HPSE2: variants seen among roughly 807,000 people sequenced by gnomAD.
HPSE2 encodes heparanase 2 (inactive), also known as inactive heparanase-2.
HPSE2 carries 38 observed loss-of-function variants against 60.5 expected under a neutral mutation model. The ratio of observed to expected loss-of-function variants is 0.63; its 90% CI spans 0.48 to 0.82. HPSE2 has a LOEUF of 0.82. Among genes scored for constraint, HPSE2 ranks in the 40% least tolerant of loss-of-function variants. The pLI is 0.00. For missense variants in HPSE2, 713 were observed against 740.4 expected (o/e 0.96, Z 0.43); for synonymous variants, 295 against 293.2 (o/e 1.01, Z -0.06).
At chr10:98,933,633 G>C (rs1954703386) in intron 3 of HPSE2, among the ~76,000 whole-genome samples, 1 of 143,658 alleles carries the variant, frequency 7.0e-6, no homozygotes, top group South Asian at 2.1e-4. Flanking sequence ...GAATCTGGGG[G>C]CTCCTGTATT....
At chr10:98,464,837 G>A (rs979997528) in intron 11 of HPSE2, among the ~76,000 whole-genome samples, 1 of 152,148 alleles carries the variant, frequency 6.6e-6, no homozygotes, top group Non-Finnish European at 1.5e-5. Flanking sequence ...TTGGCTTGTG[G>A]AGATGTTAGA....
the HPSE2 span, among the ~76,000 whole-genome samples, chr10:99,255,320 A>C: frequency 6.6e-6 from 1 of 152,340 alleles, no homozygotes; most frequent in Middle Eastern, 3.4e-3. Flanking sequence ...AGTTTTATAC[A>C]AACTCTTCGA....
At chr10:98,749,196 T>C (rs1196875334) in intron 3 of HPSE2, among the ~76,000 whole-genome samples, 2 of 152,056 alleles carry the variant, frequency 1.3e-5, no homozygotes, top group East Asian at 1.9e-4. Flanking sequence ...TTTCTCTTAG[T>C]TTCCCTAGTA....
At chr10:99,042,584 A>G (rs1485260872) in intron 3 of HPSE2, among the ~76,000 whole-genome samples, 1 of 151,742 alleles carries the variant, frequency 6.6e-6, no homozygotes, top group Non-Finnish European at 1.5e-5. Context: ...AGCAGTGCAC[A>G]CTCAGAGCAC....
intron 2 of HPSE2, among the ~76,000 whole-genome samples, chr10:99,147,335 G>C (rs533582405): frequency 6.6e-6 from 1 of 152,160 alleles, no homozygotes; most frequent in Non-Finnish European, 1.5e-5. Context: ...TAGACTGTTC[G>C]TGTGGAAAAG....
intron 5 of HPSE2, among the ~76,000 whole-genome samples, chr10:98,706,987 G>T (rs889272726): frequency 6.6e-6 from 1 of 152,088 alleles, no homozygotes; most frequent in Non-Finnish European, 1.5e-5. Flanking sequence ...GGGATTCTCA[G>T]GATCAGATTT....
intron 3 of HPSE2, among the ~76,000 whole-genome samples, chr10:98,999,388 C>A (rs1000265048): frequency 3.3e-5 from 5 of 152,126 alleles, no homozygotes; most frequent in African/African-American, 1.2e-4. Flanking sequence ...TTTATTTAAT[C>A]TTCCCAACAT....
chr10:98,827,946 T>C (rs1392132260), intron 3 of HPSE2, among the ~76,000 whole-genome samples: 5 of 152,206 alleles, frequency 3.3e-5, no homozygotes, highest in African/African-American at 1.2e-4. Context: ...TTACTCTCCA[T>C]AATGTGAGTA....
At chr10:98,563,233 A>G (rs1374446613) in intron 9 of HPSE2, among the ~76,000 whole-genome samples, 2 of 152,210 alleles carry the variant, frequency 1.3e-5, no homozygotes, top group African/African-American at 4.8e-5. Context: ...TTATTCTATA[A>G]TAAAAAAATG....
chr10:98,656,271 C>T (rs994080309), intron 6 of HPSE2, among the ~76,000 whole-genome samples: 5 of 151,984 alleles, frequency 3.3e-5, no homozygotes, highest in Non-Finnish European at 7.4e-5. Context: ...AATTTTAGTA[C>T]AGATGGGGTT....
At chr10:99,286,885 A>T in the HPSE2 span, among the ~76,000 whole-genome samples, 1 of 152,188 alleles carries the variant, frequency 6.6e-6, no homozygotes, top group Non-Finnish European at 1.5e-5. Context: ...ACACTGTAAG[A>T]TAGATACTTT....
rs530103422 is a variant in HPSE2, at chr10:98,792,826, A to G, written c.611-48770T>C. On this transcript the variant is annotated intron_variant, in intron 3 of 11. Transcript: ENST00000370552. Reference sequence around the variant, plus strand: ...AATAATTTACTCAGAGAGACATTTAATATGGGGTAAATACAGCCTCAGAGA... The same window carrying G: ...AATAATTTACTCAGAGAGACATTTAGTATGGGGTAAATACAGCCTCAGAGA... Among the ~76,000 whole-genome samples the G allele has an allele frequency of 5.9e-5, 9 of 152,308 alleles. No homozygotes were observed. The South Asian group carries it at 1.2e-3, about 21-fold the overall frequency.
At chr10:98,797,775 C>T (rs1337124506) in intron 3 of HPSE2, among the ~76,000 whole-genome samples, 5 of 151,836 alleles carry the variant, frequency 3.3e-5, no homozygotes, top group South Asian at 2.1e-4. Flanking sequence ...ACCTGGGAGA[C>T]GGAGGTTGCG....
chr10:98,982,158 T>G (rs1956222643), intron 3 of HPSE2, among the ~76,000 whole-genome samples: 1 of 152,078 alleles, frequency 6.6e-6, no homozygotes, highest in Non-Finnish European at 1.5e-5. Context: ...ATATAAAAGA[T>G]CACCTGTCAG....
intron 3 of HPSE2, among the ~76,000 whole-genome samples, chr10:99,089,195 T>C (rs181433202): frequency 6.6e-6 from 1 of 152,308 alleles, no homozygotes; most frequent in Admixed American, 6.5e-5. Flanking sequence ...CATCCATTTA[T>C]TTTTGTTTTG....
At chr10:99,173,175 T>C (rs1467445927) in intron 2 of HPSE2, among the ~76,000 whole-genome samples, 1 of 152,120 alleles carries the variant, frequency 6.6e-6, no homozygotes, top group Non-Finnish European at 1.5e-5. Context: ...TGGAGAGATG[T>C]CAGAGGCCCT....
intron 3 of HPSE2, among the ~76,000 whole-genome samples, chr10:98,752,975 T>C (rs952212163): frequency 6.6e-6 from 1 of 152,192 alleles, no homozygotes; most frequent in African/African-American, 2.4e-5. Flanking sequence ...TACTCATATG[T>C]GGAATCTAAA....
At chr10:98,656,463 C>T (rs549170124) in intron 6 of HPSE2, among the ~76,000 whole-genome samples, 3 of 152,244 alleles carry the variant, frequency 2.0e-5, no homozygotes, top group Admixed American at 6.5e-5. Flanking sequence ...CTATGCATGC[C>T]TCTTCCTTAA....
chr10:99,202,567 C>G (rs1462819157), intron 2 of HPSE2, among the ~76,000 whole-genome samples: 1 of 151,966 alleles, frequency 6.6e-6, no homozygotes, highest in African/African-American at 2.4e-5. Context: ...CACATGTACC[C>G]CCAAAATATG....
Sources: allele counts gnomAD v4.1 joint callset (sites outside exome capture counted in the v4.1 genomes callset), GRCh38; gene constraint gnomAD v4.1.1; transcripts MANE v1.5; gene names NCBI Gene and HGNC (gene_info 2026-07-23, HGNC 2026-07-21).